Variants in C14orf93 observed in about 807,000 individuals in gnomAD.
C14orf93 encodes the protein uncharacterized protein C14orf93.
A neutral mutation model predicts 44.0 loss-of-function variants in C14orf93; 23 were observed. That is an observed-to-expected ratio of 0.52 (90% CI 0.38 to 0.74). The LOEUF is 0.74. C14orf93 is among the 30% of genes least tolerant of loss of function. The pLI is 0.00. For missense variants in C14orf93, 579 were observed against 678.9 expected, an observed-to-expected ratio of 0.85 and a Z score of 1.64; for synonymous variants, 253 against 265.7, an observed-to-expected ratio of 0.95 and a Z score of 0.46.
At chr14:23,005,606 G>A (rs899420308) in intron 1 of C14orf93, 7 of 152,196 alleles carry the variant, frequency 4.6e-5, no homozygotes, top group African/African-American at 1.4e-4. Flanking sequence ...AAGAGAAAAA[G>A]ATCTTCAATC....
At position 23,001,569 on chromosome 14, in the gene C14orf93, A is replaced by C. The variant is rs145452651; in HGVS notation, c.-379-2167T>G. ...AAGCTCTGCCTCCCAGGTTCAAGTG[A>C]TTCTCCTGCCTCAGCCTCCCAAGTA... On this transcript the variant is annotated intron_variant, in intron 1 of 6. Transcript: ENST00000299088. 1.6e-3 allele frequency among the ~76,000 whole-genome samples: 251 copies of C among 152,164 alleles called. 2 individuals carry two copies. The highest frequency in any genetic ancestry group is 5.9e-3 in the African/African-American group (245 of 41,510).
In C14orf93 at chr14:22,993,676, ATAAGTGTGAGGACTG is replaced by A. The variant is rs1195689051; in HGVS notation, c.918+2257_918+2271del. 46 of 152,258 alleles carry A rather than the reference ATAAGTGTGAGGACTG, an allele frequency of 3.0e-4. 1 individual carries two copies. The highest frequency in any genetic ancestry group is 3.0e-3 in the Admixed American group (46 of 15,282). 9.4% of individuals were successfully genotyped at this position (152,258 alleles called of 1,614,324 possible). ...ATGGAAAGGGAAAATACTCTAGACAATAAGTGTGAGGACTGTAAAGGCTGTTGGCTCACCTACCTC... is the reference window on the plus strand; with the variant it reads ...ATGGAAAGGGAAAATACTCTAGACAATAAAGGCTGTTGGCTCACCTACCTC... On this transcript the variant is annotated intron_variant, in intron 3 of 6. Transcript: ENST00000299088.
intron 4 of C14orf93, 80 bp from the exon 5 acceptor site, chr14:22,989,925 C>CT: frequency 3.4e-6 from 5 of 1,471,776 alleles, no homozygotes; most frequent in Non-Finnish European, 4.8e-6. Context: ...CACTAATCAA[C>CT]TTTGTGGCAA....
rs1345670831 is a variant in C14orf93, at chr14:22,996,537, T to C, written c.598-269A>G. ...TTCTGACACTGTTGGTGAATAGTCATTTATGGATAGCTCTTGGATATAAGA... is the reference window on the plus strand; with the variant it reads ...TTCTGACACTGTTGGTGAATAGTCACTTATGGATAGCTCTTGGATATAAGA... On this transcript the variant is annotated intron_variant, in intron 2 of 6. Coordinates refer to ENST00000299088, the MANE Select transcript of C14orf93 (RefSeq NM_021944.4). The surrounding 1 kb of genome is among the most constrained non-coding windows in gnomAD (Gnocchi z 4.1). 6.6e-6 allele frequency among the ~76,000 whole-genome samples: 1 copy of C among 152,190 alleles called. No individual in the cohort carries two copies. The highest frequency in any genetic ancestry group is 1.5e-5 in the Non-Finnish European group (1 of 68,030).
rs761900107 is a variant in C14orf93, at chr14:22,996,225, ACTCG to A, written c.637_640del (p.Arg213PhefsTer63). ...TTGCTTGGCATAAGCAGGGACCAGA[ACTCG>A]CTGTACTGCACCCTCAGAGGCCACG... is the stretch of plus-strand genomic sequence containing the variant. On this transcript the variant is annotated frameshift_variant, in exon 3 of 7. Transcript: ENST00000299088. LOFTEE classifies it high-confidence loss of function. The surrounding 1 kb of genome is among the most constrained non-coding windows in gnomAD (Gnocchi z 4.1). 2.0e-5 allele frequency: 32 copies of A among 1,596,876 alleles called. No individual in the cohort carries two copies. The highest frequency in any genetic ancestry group is 2.7e-5 in the Non-Finnish European group (32 of 1,168,776).
intron 3 of C14orf93, among the ~76,000 whole-genome samples, chr14:22,995,706 A>C (rs981377523): frequency 1.3e-5 from 2 of 150,646 alleles, no homozygotes; most frequent in Non-Finnish European, 1.5e-5. Flanking sequence ...AAAAAAAAGA[A>C]CACCAGGAGA....
intron 1 of C14orf93, among the ~76,000 whole-genome samples, chr14:23,004,401 G>A (rs1054915193): frequency 3.3e-5 from 5 of 151,594 alleles, no homozygotes; most frequent in Admixed American, 2.6e-4. Context: ...CAAGTGATCC[G>A]CCCACCTTGG....
At chr14:22,988,177 A>G (rs1202644451) in intron 5 of C14orf93, among the ~76,000 whole-genome samples, 162 bp from the exon 6 acceptor site, 2 of 142,590 alleles carry the variant, frequency 1.4e-5, no homozygotes, top group Non-Finnish European at 3.0e-5. Flanking sequence ...CTTGTTGCCC[A>G]GGCTGGAGTG....
intron 1 of C14orf93, among the ~76,000 whole-genome samples, chr14:23,001,765 C>A (rs578095528): frequency 6.7e-6 from 1 of 148,870 alleles, no homozygotes; most frequent in Non-Finnish European, 1.5e-5. Context: ...GCGCCCAGCT[C>A]CTTCTTCTTT....
chr14:22,991,107 T>G (rs1349495554), intron 3 of C14orf93, among the ~76,000 whole-genome samples: 1 of 150,186 alleles, frequency 6.7e-6, no homozygotes, highest in Non-Finnish European at 1.5e-5. Context: ...TGTAAGCCAC[T>G]GCGCCCGGCC....
chr14:22,989,989 T>G (rs2045495037), intron 4 of C14orf93, 77 bp downstream of exon 4: 1 of 1,455,416 alleles, frequency 6.9e-7, no homozygotes, highest in African/African-American at 1.4e-5. Flanking sequence ...GTCTCATTGC[T>G]GTATTGGAGC....
intron 5 of C14orf93, among the ~76,000 whole-genome samples, chr14:22,988,770 G>A (rs762089761): frequency 1.3e-5 from 2 of 151,906 alleles, no homozygotes; most frequent in Non-Finnish European, 2.9e-5. Flanking sequence ...GTGTCTCCCC[G>A]CTCCCTCCAC....
intron 1 of C14orf93, among the ~76,000 whole-genome samples, chr14:23,003,871 TATATATATATATATATATATATA>T (rs2139748710): frequency 7.6e-5 from 1 of 13,192 alleles, no homozygotes; most frequent in Non-Finnish European, 1.4e-4. Context: ...TATATATATA[TATATATATATATATATATATATA>T]TATATTTTTT....
chr14:23,004,507 T>C (rs561368053), intron 1 of C14orf93, among the ~76,000 whole-genome samples: 2 of 152,040 alleles, frequency 1.3e-5, no homozygotes, highest in East Asian at 1.9e-4. Flanking sequence ...CTCACCAAAA[T>C]GCATTGCACA....
chr14:23,004,747 T>C (rs2046542848), intron 1 of C14orf93, among the ~76,000 whole-genome samples: 1 of 151,898 alleles, frequency 6.6e-6, no homozygotes, highest in South Asian at 2.1e-4. Context: ...GGAGAAACCC[T>C]GTCTCTACTA....
intron 3 of C14orf93, 79 bp from the exon 4 acceptor site, chr14:22,990,206 G>A: frequency 1.5e-6 from 2 of 1,294,812 alleles, no homozygotes; most frequent in South Asian, 1.3e-5. Context: ...AGGGTAAAAA[G>A]GTATTGTCCC....
intron 4 of C14orf93, 64 bp downstream of exon 4, chr14:22,990,002 C>A (rs998057015): frequency 1.3e-6 from 2 of 1,486,940 alleles, no homozygotes; most frequent in Admixed American, 3.4e-5. Context: ...ATTGGAGCAT[C>A]CCCCTCTACT....
At position 22,987,263 on chromosome 14, in the gene C14orf93, A is replaced by G; in HGVS notation, c.1569T>C (p.Cys523=). Residue 523 remains cysteine, a synonymous_variant, in exon 7 of 7, where the codon TGT becomes TGC. Coordinates refer to ENST00000299088, the MANE Select transcript of C14orf93 (RefSeq NM_021944.4). The surrounding 1 kb of genome is among the most constrained non-coding windows in gnomAD (Gnocchi z 5.6). ...PSFDQPHKTC[C]PDLNSFIEIK... The stretch of plus-strand genomic sequence containing the variant: ...TTTCAATGAATGAGTTCAAGTCAGG[A>G]CAGCAGGTTTTGTGGGGTTGGTCAA... 1.2e-6 allele frequency: 2 copies of G among 1,614,248 alleles called. No homozygotes were observed. The highest frequency in any genetic ancestry group is 1.7e-6 in the Non-Finnish European group (2 of 1,180,046).
At chr14:22,999,765 G>A (rs2046201729) in intron 1 of C14orf93, among the ~76,000 whole-genome samples, 2 of 152,068 alleles carry the variant, frequency 1.3e-5, no homozygotes, top group Non-Finnish European at 2.9e-5. Context: ...TCATACAAAT[G>A]CATTCAGAGT....
Sources: allele counts gnomAD v4.1 joint callset (sites outside exome capture counted in the v4.1 genomes callset), GRCh38; gene constraint gnomAD v4.1.1; non-coding constraint Gnocchi (gnomAD v3.1); transcripts MANE v1.5; gene names NCBI Gene and HGNC (gene_info 2026-07-23, HGNC 2026-07-21).